Variants in KAT6A observed in about 807,000 individuals in gnomAD.
KAT6A encodes lysine acetyltransferase 6A.
KAT6A carries 9 observed loss-of-function variants against 198.4 expected under a neutral mutation model. The observed-to-expected ratio is 0.05, with a 90% confidence interval of 0.03 to 0.08. The LOEUF is 0.08. Ranked by LOEUF, KAT6A falls within the 10% of genes least tolerant of loss-of-function variation. The probability of loss-of-function intolerance (pLI) is 1.00; values close to 1 mark genes in which losing one functional copy is unlikely to be tolerated. For missense variants in KAT6A, 2,077 were observed against 2,509.9 expected (o/e 0.83, Z 3.69); for synonymous variants, 890 against 883.0 (o/e 1.01, Z -0.14).
chr8:42,007,178 GAC>G (rs10618058), intron 2 of KAT6A, among the ~76,000 whole-genome samples: 43,301 of 151,170 alleles, frequency 0.29, 6,299 homozygotes, highest in Middle Eastern at 0.44. Flanking sequence ...ATTCTACAAT[GAC>G]ACAGTTTATA....
In KAT6A at chr8:41,932,874, G is replaced by A; in HGVS notation, c.5346C>T (p.Thr1782=). ...GTCCTGTATTGGACAGAGAAACACT[G>A]GTTGCATAGGAAGTCACAGCAGGAG... ...SHSPAVTSYA[T]SVSLSNTGLA... Residue 1782 remains threonine, a synonymous_variant, in exon 17 of 17, where the codon ACC becomes ACT. Transcript: ENST00000265713. 6.2e-7 allele frequency: 1 copy of A among 1,614,136 alleles called. No homozygotes were observed. Among genetic ancestry groups the A allele is most frequent in the African/African-American group, 1.3e-5 (1 of 75,044 alleles).
chr8:42,011,201 T>G (rs1826002872), intron 2 of KAT6A, among the ~76,000 whole-genome samples: 3 of 152,106 alleles, frequency 2.0e-5, no homozygotes, highest in Non-Finnish European at 2.9e-5. Context: ...AGAAAGTCTA[T>G]CAAAAGCCAG....
intron 2 of KAT6A, among the ~76,000 whole-genome samples, chr8:42,029,569 G>GT (rs201045645): frequency 0.016 from 2,132 of 132,196 alleles, 34 homozygotes; most frequent in African/African-American, 0.048. Context: ...GTTTTTTTTT[G>GT]TTTTTTTTTT....
intron 2 of KAT6A, among the ~76,000 whole-genome samples, chr8:42,037,467 C>T (rs1827438571): frequency 6.6e-6 from 1 of 152,134 alleles, no homozygotes; most frequent in Admixed American, 6.5e-5. Flanking sequence ...AAATGCTTCA[C>T]TGTACCCAAT....
At chr8:42,004,084 T>C (rs1345285942) in intron 2 of KAT6A, among the ~76,000 whole-genome samples, 2 of 152,210 alleles carry the variant, frequency 1.3e-5, no homozygotes, top group Non-Finnish European at 2.9e-5. Flanking sequence ...ACACAGACCA[T>C]TATCTTTAGT....
At position 41,931,054 on chromosome 8, in the gene KAT6A, T is replaced by G. The variant is rs1821516660; in HGVS notation, c.*1151A>C. 1 of 218,314 alleles carries G rather than the reference T, an allele frequency of 4.6e-6. No homozygotes were observed. Among genetic ancestry groups the G allele is most frequent in the Non-Finnish European group, 9.2e-6 (1 of 108,684 alleles). 13.5% of individuals were successfully genotyped at this position (218,314 alleles called of 1,614,324 possible). ...CGTGATCTCCCTTCTGACACACATCTGCGCCATCTCTTCCAACATAAAATA... is the reference window on the plus strand; with the variant it reads ...CGTGATCTCCCTTCTGACACACATCGGCGCCATCTCTTCCAACATAAAATA... On this transcript the variant is annotated 3_prime_UTR_variant, in exon 17 of 17. Coordinates refer to ENST00000265713, the MANE Select transcript of KAT6A (RefSeq NM_006766.5).
At chr8:41,971,226 T>A (rs1375543210) in intron 8 of KAT6A, among the ~76,000 whole-genome samples, 96 of 134,314 alleles carry the variant, frequency 7.1e-4, no homozygotes, top group African/African-American at 2.2e-3. Flanking sequence ...AGGTATAATT[T>A]AAAAAAAAAA....
rs560140229 is a variant in KAT6A at position 41,973,827 on chromosome 8, C to T, written c.1482+877G>A. Among the ~76,000 whole-genome samples, 5 of 152,172 alleles carry T rather than the reference C, an allele frequency of 3.3e-5. No homozygotes were observed. The East Asian group carries it at 9.7e-4, about 29-fold the overall frequency. ...ATCCCTTTAAGGGATATGTACAACTCCTACATATCCTTTAAGGCCCCTCAA... is the reference window on the plus strand; with the variant it reads ...ATCCCTTTAAGGGATATGTACAACTTCTACATATCCTTTAAGGCCCCTCAA... On this transcript the variant is annotated intron_variant, in intron 8 of 16. Coordinates refer to ENST00000265713, the MANE Select transcript of KAT6A (RefSeq NM_006766.5).
At chr8:42,048,284 A>G (rs1017954019) in intron 2 of KAT6A, 94 bp downstream of exon 2, 1 of 1,428,778 alleles carries the variant, frequency 7.0e-7, no homozygotes, top group Non-Finnish European at 9.5e-7. Context: ...AGAAGTCCCC[A>G]AACAAAAAAC....
At chr8:42,030,080 G>T (rs1368366165) in intron 2 of KAT6A, among the ~76,000 whole-genome samples, 1 of 152,126 alleles carries the variant, frequency 6.6e-6, no homozygotes, top group Admixed American at 6.5e-5. Context: ...GAGATTCAAG[G>T]GCAATTGGGC....
Position 42,009,066 on chromosome 8 carries a change from A to T in KAT6A, c.601-21503T>A, listed in dbSNP as rs985189059. On this transcript the variant is annotated intron_variant, in intron 2 of 16. Coordinates refer to ENST00000265713, the MANE Select transcript of KAT6A (RefSeq NM_006766.5). The stretch of plus-strand genomic sequence containing the variant: ...TACCAAGTGTCTCAAATCACATATC[A>T]TCATTCACCTTTTAATATCACGCTC... 2.6e-5 allele frequency among the ~76,000 whole-genome samples: 4 copies of T among 152,208 alleles called. No homozygotes were observed. The South Asian group carries it at 8.3e-4, about 32-fold the overall frequency.
chr8:41,963,423 A>T (rs963133807), intron 8 of KAT6A, among the ~76,000 whole-genome samples: 26 of 152,176 alleles, frequency 1.7e-4, no homozygotes, highest in African/African-American at 5.6e-4. Context: ...TAATACCATC[A>T]TCTACTCCAA....
chr8:42,047,356 CT>C, intron 2 of KAT6A, among the ~76,000 whole-genome samples: 1 of 152,280 alleles, frequency 6.6e-6, no homozygotes, highest in Non-Finnish European at 1.5e-5. Context: ...CAATAACATC[CT>C]AAAACACAAC....
chr8:41,943,697 A>C (rs1243561298), intron 13 of KAT6A, 51 bp downstream of exon 13: 17 of 1,327,484 alleles, frequency 1.3e-5, no homozygotes, highest in Non-Finnish European at 1.7e-5. Context: ...TGATCCAAAA[A>C]ACTTCAACCT....
intron 2 of KAT6A, among the ~76,000 whole-genome samples, chr8:42,023,674 A>G (rs1014986834): frequency 2.6e-5 from 4 of 151,796 alleles, no homozygotes; most frequent in Non-Finnish European, 5.9e-5. Flanking sequence ...TTTTGTAAAG[A>G]CGGGGTTTTG....
Position 42,045,573 on chromosome 8 carries a change from A to C in KAT6A, c.600+2805T>G, listed in dbSNP as rs190249155. 1.3e-4 allele frequency among the ~76,000 whole-genome samples: 20 copies of C among 151,870 alleles called. No homozygotes were observed. In the East Asian group the frequency reaches 1.5e-3, roughly 12 times the overall value. On this transcript the variant is annotated intron_variant, in intron 2 of 16. Transcript: ENST00000265713. ...GCGAAATTCCATCTCAAAAAAAAAA[A>C]AAAAACAAAAAAACACTATATATGA...
At chr8:42,027,348 G>C (rs960866064) in intron 2 of KAT6A, among the ~76,000 whole-genome samples, 2 of 152,100 alleles carry the variant, frequency 1.3e-5, no homozygotes, top group Admixed American at 6.5e-5. Context: ...GGAATAGTTT[G>C]AGAAAAACTG....
chr8:41,949,953 C>A (rs999170491), intron 9 of KAT6A, among the ~76,000 whole-genome samples: 3 of 152,186 alleles, frequency 2.0e-5, no homozygotes, highest in Admixed American at 6.5e-5. Flanking sequence ...CAATTCAGCA[C>A]ACTGAAAGTT....
chr8:42,000,052 C>T (rs971086675), intron 2 of KAT6A, among the ~76,000 whole-genome samples: 1 of 152,086 alleles, frequency 6.6e-6, no homozygotes, highest in African/African-American at 2.4e-5. Flanking sequence ...TTTTAACTTC[C>T]TGAAATAGGC....
Sources: gnomAD v4.1 joint callset for allele counts (sites outside exome capture counted in the v4.1 genomes callset) on GRCh38, gnomAD v4.1.1 for gene constraint, MANE v1.5 for transcripts, NCBI Gene and HGNC (gene_info 2026-07-23, HGNC 2026-07-21) for gene names.